Variants in MED27 observed in about 807,000 individuals in gnomAD.
MED27 encodes mediator complex subunit 27.
A neutral mutation model predicts 38.2 loss-of-function variants in MED27; 30 were observed. The observed-to-expected ratio is 0.79, with a 90% CI of 0.59 to 1.07. The LOEUF is 1.07. MED27 is among the 50% of genes least tolerant of loss of function. The pLI is 0.00. For missense variants in MED27, 289 were observed against 397.5 expected, an observed-to-expected ratio of 0.73 and a Z score of 2.32; for synonymous variants, 122 against 153.5, an observed-to-expected ratio of 0.79 and a Z score of 1.52.
Position 131,990,299 on chromosome 9 carries a change from C to T in MED27, c.479+24038G>A, listed in dbSNP as rs146529475. The stretch of plus-strand genomic sequence containing the variant: ...CATCTCCATCAATTTAGTGATGCTC[C>T]GAGGAGTCAACCCCTCTGGAACATT... On this transcript the variant is annotated intron_variant, in intron 3 of 7. Transcript: ENST00000292035. 4.5e-4 allele frequency among the ~76,000 whole-genome samples: 68 copies of T among 152,288 alleles called. No homozygotes were observed. In the East Asian group the frequency reaches 0.013, roughly 28 times the overall value.
At chr9:131,996,138 T>C (rs1315629024) in intron 3 of MED27, among the ~76,000 whole-genome samples, 3 of 152,168 alleles carry the variant, frequency 2.0e-5, no homozygotes, top group Non-Finnish European at 4.4e-5. Flanking sequence ...TAGGGACCAG[T>C]AGTCAAAAAG....
intron 3 of MED27, among the ~76,000 whole-genome samples, chr9:131,947,261 G>C (rs1830904095): frequency 1.3e-5 from 2 of 152,086 alleles, no homozygotes; most frequent in East Asian, 1.9e-4. Context: ...ACAGCAACCA[G>C]AGAACTCCAC....
At chr9:132,069,384 A>G (rs546636483) in intron 2 of MED27, among the ~76,000 whole-genome samples, 147 of 152,350 alleles carry the variant, frequency 9.6e-4, no homozygotes, top group Middle Eastern at 6.8e-3. Flanking sequence ...AACCACAACT[A>G]ATAAGTAGAA....
chr9:131,935,866 T>A (rs766151992), intron 4 of MED27, among the ~76,000 whole-genome samples: 1 of 151,836 alleles, frequency 6.6e-6, no homozygotes, highest in South Asian at 2.1e-4. Context: ...TAAGAAAAAA[T>A]TGGCCAGGTA....
intron 2 of MED27, among the ~76,000 whole-genome samples, chr9:132,066,478 GC>G (rs1469719067): frequency 6.6e-6 from 1 of 152,236 alleles, no homozygotes; most frequent in Non-Finnish European, 1.5e-5. Context: ...TTCTTGACTT[GC>G]CAGCAAGTAC....
chr9:132,022,901 C>A (rs1589271867), intron 2 of MED27, among the ~76,000 whole-genome samples: 1 of 152,072 alleles, frequency 6.6e-6, no homozygotes, highest in African/African-American at 2.4e-5. Flanking sequence ...ATGGGGGATC[C>A]GCCCCATGAT....
chr9:131,866,133 C>T (rs892665175), intron 6 of MED27, among the ~76,000 whole-genome samples: 12 of 152,240 alleles, frequency 7.9e-5, no homozygotes, highest in African/African-American at 2.9e-4. Flanking sequence ...CCTCCCCAGC[C>T]TGCTGTTCCC....
At chr9:131,934,207 T>C (rs1830640198) in intron 4 of MED27, among the ~76,000 whole-genome samples, 1 of 152,220 alleles carries the variant, frequency 6.6e-6, no homozygotes, top group Non-Finnish European at 1.5e-5. Context: ...CTCCAGGACA[T>C]TGGTCTGAGC....
intron 5 of MED27, 97 bp downstream of exon 5, chr9:131,893,788 A>G: frequency 3.7e-6 from 3 of 803,720 alleles, no homozygotes; most frequent in Non-Finnish European, 6.4e-6. Context: ...CATTTCCGCT[A>G]TGATTGCTAG....
In MED27 at chr9:132,026,578, C is replaced by A. The variant is rs538996995; in HGVS notation, c.349-12111G>T. Among the ~76,000 whole-genome samples the A allele has an allele frequency of 2.0e-5, 3 of 152,252 alleles. No homozygotes were observed. The South Asian group carries it at 6.2e-4, about 32-fold the overall frequency. ...GGCCTAGCAGAAGGGTCTACGTGAG[C>A]ATTCAATAAAAATGTGCTGAGAATG... On this transcript the variant is annotated intron_variant, in intron 2 of 7. Coordinates refer to ENST00000292035, the MANE Select transcript of MED27 (RefSeq NM_004269.4).
At chr9:131,951,572 G>A (rs1180618205) in intron 3 of MED27, among the ~76,000 whole-genome samples, 1 of 152,220 alleles carries the variant, frequency 6.6e-6, no homozygotes, top group Non-Finnish European at 1.5e-5. Flanking sequence ...TCTTGGACAA[G>A]TTACTTTAAC....
intron 2 of MED27, among the ~76,000 whole-genome samples, chr9:132,038,428 G>A (rs1288424891): frequency 1.3e-5 from 2 of 151,922 alleles, no homozygotes; most frequent in Middle Eastern, 3.4e-3. Flanking sequence ...TCCTGACCTC[G>A]TGATCCGCCC....
At chr9:131,948,643 C>T (rs1830930622) in intron 3 of MED27, among the ~76,000 whole-genome samples, 1 of 152,200 alleles carries the variant, frequency 6.6e-6, no homozygotes, top group South Asian at 2.1e-4. Context: ...TCTCTCACTA[C>T]ACACCCTTCT....
chr9:132,048,079 T>C lies in MED27; in HGVS notation c.348+29363A>G, dbSNP rs986170055. On this transcript the variant is annotated intron_variant, in intron 2 of 7. Transcript: ENST00000292035. ...ATACATTGGTTAGGTGGTGAGATTATAGATAACTTTTTTCTTCTTTCTGCT... is the reference window on the plus strand; with the variant it reads ...ATACATTGGTTAGGTGGTGAGATTACAGATAACTTTTTTCTTCTTTCTGCT... 5.3e-5 allele frequency among the ~76,000 whole-genome samples: 8 copies of C among 152,190 alleles called. No homozygotes were observed. The East Asian group carries it at 7.7e-4, about 15-fold the overall frequency.
chr9:131,971,826 G>A (rs1300853082), intron 3 of MED27, among the ~76,000 whole-genome samples: 1 of 152,132 alleles, frequency 6.6e-6, no homozygotes, highest in Non-Finnish European at 1.5e-5. Context: ...GTTTTCTATG[G>A]TTTATCTCTA....
Position 131,889,952 on chromosome 9 carries a change from C to G in MED27, c.681+3933G>C, listed in dbSNP as rs189529721. Among the ~76,000 whole-genome samples the G allele has an allele frequency of 6.6e-6, 1 of 152,164 alleles. No individual in the cohort carries two copies. The highest frequency in any genetic ancestry group is 2.4e-5 in the African/African-American group (1 of 41,416). On this transcript the variant is annotated intron_variant, in intron 5 of 7. Transcript: ENST00000292035. The surrounding 1 kb of genome is among the most constrained non-coding windows in gnomAD (Gnocchi z 4.2). ...GCAGGCTGCGTCCCGGGAGCAGCGA[C>G]GTCTCCAGCAACAACGTGCTCTTGT...
intron 3 of MED27, among the ~76,000 whole-genome samples, chr9:131,963,007 G>C (rs1293262703): frequency 6.6e-6 from 1 of 152,064 alleles, no homozygotes; most frequent in Non-Finnish European, 1.5e-5. Context: ...ATTTTGGTTT[G>C]CAAGAAAGTT....
At chr9:131,877,488 A>C (rs1838957430) in intron 6 of MED27, among the ~76,000 whole-genome samples, 2 of 152,158 alleles carry the variant, frequency 1.3e-5, no homozygotes, top group African/African-American at 4.8e-5. Flanking sequence ...AGGCAGGAGA[A>C]TTGCTTGAAC....
At chr9:131,957,347 C>T (rs904591675) in intron 3 of MED27, among the ~76,000 whole-genome samples, 32 of 152,000 alleles carry the variant, frequency 2.1e-4, no homozygotes, top group African/African-American at 7.0e-4. Flanking sequence ...TGCAATCTCC[C>T]GGGCACAAGC....
Sources: gnomAD v4.1 joint callset for allele counts (sites outside exome capture counted in the v4.1 genomes callset) on GRCh38, gnomAD v4.1.1 for gene constraint, Gnocchi (gnomAD v3.1) non-coding constraint, MANE v1.5 for transcripts, NCBI Gene and HGNC (gene_info 2026-07-23, HGNC 2026-07-21) for gene names.